The following ACSM2A variants were observed in gnomAD, a reference collection of about 807,000 sequenced individuals.
ACSM2A encodes acyl-CoA synthetase medium chain family member 2A, also known as acyl-coenzyme A synthetase ACSM2A, mitochondrial.
A neutral mutation model predicts 76.6 loss-of-function variants in ACSM2A; 72 were observed. The ratio of observed to expected loss-of-function variants is 0.94; its 90% confidence interval spans 0.78 to 1.14. The LOEUF is 1.14. ACSM2A is among the 50% of genes most tolerant of loss of function. The pLI is 0.00. For missense variants in ACSM2A, 684 were observed against 708.5 expected, an observed-to-expected ratio of 0.97 and a Z score of 0.39; for synonymous variants, 249 against 255.9, an observed-to-expected ratio of 0.97 and a Z score of 0.26.
intron 13 of ACSM2A, among the ~76,000 whole-genome samples, chr16:20,486,226 G>A (rs1433700283): frequency 1.3e-5 from 2 of 152,226 alleles, no homozygotes; most frequent in African/African-American, 4.8e-5. Flanking sequence ...GGAAAACTGA[G>A]TCTTAGCAAA....
intron 6 of ACSM2A, chr16:20,473,827 T>TA (rs112684755): frequency 6.5e-3 from 1,669 of 256,638 alleles, no homozygotes; most frequent in South Asian, 0.012. Context: ...TAAGTCTGAT[T>TA]AAAAAAAAAA....
rs545431394 is a variant in ACSM2A at position 20,476,540 on chromosome 16, T to C, written c.1098+767T>C. On this transcript the variant is annotated intron_variant, in intron 8 of 13. Transcript: ENST00000573854. The stretch of plus-strand genomic sequence containing the variant: ...GCAAATATGAATAAGGACAATGGAG[T>C]TGTGGCAAGCATACCCTGGCAGGGG... 23 of 985,168 alleles carry C rather than the reference T, an allele frequency of 2.3e-5. No homozygotes were observed. The South Asian group carries it at 8.5e-4, about 36-fold the overall frequency. 61.0% of individuals were successfully genotyped at this position (985,168 alleles called of 1,614,324 possible).
intron 13 of ACSM2A, among the ~76,000 whole-genome samples, chr16:20,486,097 A>T (rs2014370494): frequency 6.6e-6 from 1 of 152,250 alleles, no homozygotes; most frequent in African/African-American, 2.4e-5. Flanking sequence ...AACCCAGATT[A>T]ATAACCACAG....
chr16:20,467,439 G>C lies in ACSM2A; in HGVS notation c.388+1712G>C, dbSNP rs1376564013. Among the ~76,000 whole-genome samples the C allele has an allele frequency of 2.0e-5, 3 of 152,116 alleles. No homozygotes were observed. The East Asian group carries it at 5.8e-4, about 29-fold the overall frequency. On this transcript the variant is annotated intron_variant, in intron 3 of 13. Coordinates refer to ENST00000573854, the MANE Select transcript of ACSM2A (RefSeq NM_001308172.2). ...GATGGTCATATTGGATGCTCAATAGGGAATGGGATGAAGAAGACAATAGTG... is the reference window on the plus strand; with the variant it reads ...GATGGTCATATTGGATGCTCAATAGCGAATGGGATGAAGAAGACAATAGTG...
intron 2 of ACSM2A, among the ~76,000 whole-genome samples, chr16:20,462,807 A>T (rs1596647472): frequency 6.6e-6 from 1 of 152,076 alleles, no homozygotes. Context: ...CCATTCAGCA[A>T]TTCCAACTCT....
In ACSM2A at chr16:20,483,569, C is replaced by CAAAAAAA. The variant is rs60606533; in HGVS notation, c.1629+419_1629+425dup. Among the ~76,000 whole-genome samples, 165 of 32,226 alleles carry CAAAAAAA rather than the reference C, an allele frequency of 5.1e-3. 47 individuals carry two copies. Among genetic ancestry groups the CAAAAAAA allele is most frequent in the South Asian group, 9.4e-3 (3 of 318 alleles). The allele number at this position is 32,226 out of a possible 152,430, so 21.1% of individuals were successfully genotyped here. A position where few individuals can be genotyped will look rare whatever the true frequency, so the allele number is the denominator to read the frequency against. ...CAGGTGACAGAGTGAGACTCTGTCT[C>CAAAAAAA]AAAAAAAAAAAAAAAAAAAAAAAAA... On this transcript the variant is annotated intron_variant, in intron 13 of 13. Transcript: ENST00000573854.
intron 9 of ACSM2A, among the ~76,000 whole-genome samples, chr16:20,477,919 T>G (rs1398778896): frequency 6.6e-6 from 1 of 152,196 alleles, no homozygotes; most frequent in Non-Finnish European, 1.5e-5. Context: ...CTAGTAAAAA[T>G]ACACTATAAT....
At chr16:20,453,141 A>C (rs1189480611) in intron 1 of ACSM2A, 1 of 152,030 alleles carries the variant, frequency 6.6e-6, no homozygotes. Context: ...AGCTCTTATC[A>C]TGTTAGTGGC....
intron 5 of ACSM2A, 132 bp from the exon 6 acceptor site, chr16:20,471,404 C>T (rs1448779259): frequency 1.6e-5 from 23 of 1,483,758 alleles, no homozygotes; most frequent in Non-Finnish European, 2.1e-5. Flanking sequence ...TAGACATATG[C>T]CTATAAACCT....
intron 1 of ACSM2A, chr16:20,453,187 A>G (rs1020604572): frequency 1.3e-5 from 2 of 152,192 alleles, no homozygotes; most frequent in Non-Finnish European, 2.9e-5. Flanking sequence ...CAGCCTCACC[A>G]TGCACAGCCT....
At chr16:20,474,609 A>G (rs775829216) in intron 6 of ACSM2A, among the ~76,000 whole-genome samples, 1 of 152,218 alleles carries the variant, frequency 6.6e-6, no homozygotes, top group Non-Finnish European at 1.5e-5. Flanking sequence ...ACAATACTCT[A>G]TTACATTCTG....
Position 20,475,736 on chromosome 16 carries a change from G to A in ACSM2A, c.1061G>A (p.Gly354Glu). 5 of 1,614,020 alleles carry A rather than the reference G, an allele frequency of 3.1e-6. No homozygotes were observed. The highest frequency in any genetic ancestry group is 1.1e-5 in the South Asian group (1 of 91,074). ...ETLENWRAQT[G>E]LDIRESYGQT... ...CTGGAGAACTGGAGGGCCCAGACAG[G>A]ACTGGACATCCGAGAATCCTATGGC... Residue 354 changes from glycine (G) to glutamate (E), a missense_variant, in exon 8 of 14, where the codon GGA becomes GAA. Transcript: ENST00000573854.
At chr16:20,473,939 T>G in intron 6 of ACSM2A, 1 of 390,930 alleles carries the variant, frequency 2.6e-6, no homozygotes, top group Non-Finnish European at 4.9e-6. Context: ...ACTAAGGCAT[T>G]CCTTTCTATT....
intron 13 of ACSM2A, among the ~76,000 whole-genome samples, chr16:20,484,188 TG>T (rs2014270752): frequency 1.3e-5 from 2 of 150,110 alleles, no homozygotes; most frequent in South Asian, 4.2e-4. Context: ...GCAGGGGGGA[TG>T]GGGGAGAGAG....
At chr16:20,459,454 C>A (rs2012468200) in intron 1 of ACSM2A, among the ~76,000 whole-genome samples, 1 of 152,176 alleles carries the variant, frequency 6.6e-6, no homozygotes, top group Non-Finnish European at 1.5e-5. Flanking sequence ...ATCTTAGTAG[C>A]TTTTAGTCAT....
intron 2 of ACSM2A, among the ~76,000 whole-genome samples, chr16:20,462,137 A>G (rs34924719): frequency 0.013 from 1,991 of 152,298 alleles, 23 homozygotes; most frequent in South Asian, 0.035. Context: ...AGATTTTACA[A>G]TAGTGATGTT....
chr16:20,457,978 C>A (rs1303774945), intron 1 of ACSM2A, among the ~76,000 whole-genome samples: 1 of 151,812 alleles, frequency 6.6e-6, no homozygotes, highest in Non-Finnish European at 1.5e-5. Flanking sequence ...TTTCAGGACA[C>A]AAAATTAATG....
chr16:20,452,125 T>A (rs2011792243), intron 1 of ACSM2A: 1 of 151,432 alleles, frequency 6.6e-6, no homozygotes, highest in African/African-American at 2.4e-5. Context: ...TGATGGTTAA[T>A]ACTGAGTGTC....
intron 4 of ACSM2A, among the ~76,000 whole-genome samples, 187 bp downstream of exon 4, chr16:20,469,906 G>A (rs917688189): frequency 9.0e-5 from 10 of 111,468 alleles, no homozygotes; most frequent in African/African-American, 3.4e-4. Context: ...TCAAATCATT[G>A]CAAGGACTAA....
Sources: allele counts gnomAD v4.1 joint callset (sites outside exome capture counted in the v4.1 genomes callset), GRCh38; gene constraint gnomAD v4.1.1; transcripts MANE v1.5; gene names NCBI Gene and HGNC (gene_info 2026-07-23, HGNC 2026-07-21).